NLRP14: variants seen among roughly 807,000 people sequenced by gnomAD.
The protein encoded by NLRP14 is NACHT, LRR and PYD domains-containing protein 14.
Under a neutral mutation model 94.7 loss-of-function variants are expected in NLRP14, and 105 were observed. The ratio of observed to expected loss-of-function variants is 1.11; its 90% CI spans 0.95 to 1.30. NLRP14 has a LOEUF of 1.30. Ranked by LOEUF, NLRP14 falls within the 50% of genes most tolerant of loss-of-function variation. NLRP14 has a pLI of 0.00. For synonymous variants in NLRP14, 508 were observed against 459.9 expected (o/e 1.10, Z -1.34); for missense variants, 1,362 against 1,254.1 (o/e 1.09, Z -1.30).
the NLRP14 span, among the ~76,000 whole-genome samples, chr11:7,084,701 T>A: frequency 6.6e-6 from 1 of 152,220 alleles, no homozygotes; most frequent in African/African-American, 2.4e-5. Flanking sequence ...TTCATCTGTA[T>A]CTTTTATCAT....
At chr11:7,077,086 G>T in the NLRP14 span, among the ~76,000 whole-genome samples, 2 of 152,130 alleles carry the variant, frequency 1.3e-5, no homozygotes, top group Non-Finnish European at 2.9e-5. Context: ...GGAGTCCCGG[G>T]ATTCTATCCC....
chr11:7,055,137 T>A (rs917494535), intron 6 of NLRP14, among the ~76,000 whole-genome samples: 2 of 152,152 alleles, frequency 1.3e-5, no homozygotes, highest in African/African-American at 2.4e-5. Flanking sequence ...TATCCCTGCA[T>A]GTTGTATTTT....
intron 1 of NLRP14, among the ~76,000 whole-genome samples, chr11:7,021,028 A>G (rs1254668417): frequency 6.6e-6 from 1 of 152,190 alleles, no homozygotes; most frequent in Non-Finnish European, 1.5e-5. Flanking sequence ...ATACTTTCGC[A>G]TCTTTGGGCC....
At chr11:7,028,242 T>A (rs1247202796) in intron 1 of NLRP14, among the ~76,000 whole-genome samples, 1 of 152,194 alleles carries the variant, frequency 6.6e-6, no homozygotes, top group East Asian at 1.9e-4. Context: ...CTTGGTTTTT[T>A]AAACAATCTT....
chr11:7,034,253 T>G (rs968891701), intron 1 of NLRP14, among the ~76,000 whole-genome samples: 2 of 152,226 alleles, frequency 1.3e-5, no homozygotes, highest in Non-Finnish European at 2.9e-5. Flanking sequence ...TGCTTTGTAC[T>G]TTGGGCTATA....
the NLRP14 span, among the ~76,000 whole-genome samples, chr11:7,084,549 C>T: frequency 4.6e-3 from 694 of 152,220 alleles, 3 homozygotes; most frequent in East Asian, 0.012. Flanking sequence ...ATAACAATCC[C>T]GAAAAGGCTG....
chr11:7,028,642 C>G (rs577035428), intron 1 of NLRP14, among the ~76,000 whole-genome samples: 1 of 152,274 alleles, frequency 6.6e-6, no homozygotes, highest in South Asian at 2.1e-4. Flanking sequence ...CATGATATCT[C>G]TCTTCCTACC....
At chr11:7,081,458 TAG>T in the NLRP14 span, among the ~76,000 whole-genome samples, 1 of 152,156 alleles carries the variant, frequency 6.6e-6, no homozygotes, top group African/African-American at 2.4e-5. Flanking sequence ...TGAGAACTGA[TAG>T]TGGAAGAGTT....
At chr11:7,067,700 T>G (rs574060608) in intron 10 of NLRP14, among the ~76,000 whole-genome samples, 4 of 152,280 alleles carry the variant, frequency 2.6e-5, no homozygotes, top group Admixed American at 2.6e-4. Flanking sequence ...GTAATTTACT[T>G]TGTTAATGTT....
the NLRP14 span, among the ~76,000 whole-genome samples, chr11:7,082,755 A>G: frequency 6.6e-6 from 1 of 152,246 alleles, no homozygotes; most frequent in Non-Finnish European, 1.5e-5. Context: ...AATTGCAGGC[A>G]GCAATACTAA....
chr11:7,033,559 G>C (rs778256084), intron 1 of NLRP14, among the ~76,000 whole-genome samples: 2 of 151,934 alleles, frequency 1.3e-5, no homozygotes, highest in Admixed American at 6.6e-5. Flanking sequence ...GTACAGTATT[G>C]TCCTGGGTGG....
intron 8 of NLRP14, among the ~76,000 whole-genome samples, 171 bp downstream of exon 8, chr11:7,058,621 T>C (rs1220650108): frequency 7.0e-6 from 1 of 142,836 alleles, no homozygotes; most frequent in East Asian, 1.9e-4. Context: ...AACTCTACTC[T>C]GGATCTTGTT....
chr11:7,077,740 C>T, the NLRP14 span, among the ~76,000 whole-genome samples: 3 of 152,212 alleles, frequency 2.0e-5, no homozygotes, highest in Non-Finnish European at 4.4e-5. Context: ...TTAAAACCAT[C>T]GGATCTCATG....
chr11:7,036,132 A>G (rs1852156783), intron 1 of NLRP14, among the ~76,000 whole-genome samples: 2 of 152,240 alleles, frequency 1.3e-5, no homozygotes, highest in Admixed American at 6.5e-5. Flanking sequence ...TATTTTGAAC[A>G]AATATGCTTT....
intron 1 of NLRP14, among the ~76,000 whole-genome samples, chr11:7,021,770 T>G (rs1851943134): frequency 6.6e-6 from 1 of 151,466 alleles, no homozygotes; most frequent in Admixed American, 6.6e-5. Context: ...GTAATTCAAC[T>G]ATCAATTGCG....
At position 7,071,412 on chromosome 11, in the gene NLRP14, GATAGTGC is replaced by G. The variant is rs1383271709; in HGVS notation, c.*106_*112del. 4.7e-5 allele frequency: 42 copies of G among 893,682 alleles called. No homozygotes were observed. The highest frequency in any genetic ancestry group is 7.1e-5 in the Non-Finnish European group (40 of 562,912). 55.4% of individuals were successfully genotyped at this position (893,682 alleles called of 1,614,324 possible). A position where few individuals can be genotyped will look rare whatever the true frequency, so the allele number is the denominator to read the frequency against. The stretch of plus-strand genomic sequence containing the variant: ...TAGCTTCAGATACTCTATGCCCAGA[GATAGTGC>G]ACTTGGCAGCTGTCAGATACCATTC... On this transcript the variant is annotated 3_prime_UTR_variant, in exon 12 of 12. Coordinates refer to ENST00000299481, the MANE Select transcript of NLRP14 (RefSeq NM_176822.4).
downstream of NLRP14, among the ~76,000 whole-genome samples, chr11:7,073,555 T>C (rs1477677007): frequency 6.6e-6 from 1 of 152,134 alleles, no homozygotes; most frequent in Non-Finnish European, 1.5e-5. Flanking sequence ...TCTCCCCTAT[T>C]TGAAGTACCA....
At chr11:7,035,550 A>C (rs1852149706) in intron 1 of NLRP14, among the ~76,000 whole-genome samples, 1 of 152,356 alleles carries the variant, frequency 6.6e-6, no homozygotes, top group African/African-American at 2.4e-5. Flanking sequence ...GGAAATATCC[A>C]GCCTAAAATG....
At chr11:7,038,145 A>G (rs1022579736) in intron 1 of NLRP14, among the ~76,000 whole-genome samples, 21 of 152,110 alleles carry the variant, frequency 1.4e-4, no homozygotes, top group African/African-American at 4.8e-4. Flanking sequence ...GATAGAAGGG[A>G]TGAGGATGGA....
Sources: gnomAD v4.1 joint callset for allele counts (sites outside exome capture counted in the v4.1 genomes callset) on GRCh38, gnomAD v4.1.1 for gene constraint, MANE v1.5 for transcripts, NCBI Gene and HGNC (gene_info 2026-07-23, HGNC 2026-07-21) for gene names.